The following MOCOS variants were observed in gnomAD, a reference collection of about 807,000 sequenced individuals.
MOCOS encodes molybdenum cofactor sulfurase.
In MOCOS, 86 loss-of-function variants were observed where a neutral mutation model predicts 83.6. The ratio of observed to expected loss-of-function variants is 1.03; its 90% CI spans 0.86 to 1.23. MOCOS has a LOEUF of 1.23. Among genes scored for constraint, MOCOS ranks in the 50% most tolerant of loss-of-function variants. The probability of loss-of-function intolerance (pLI) is 0.00; values close to 1 mark genes in which losing one functional copy is unlikely to be tolerated. For missense variants in MOCOS, 1,120 were observed against 1,126.9 expected, an observed-to-expected ratio of 0.99 and a Z score of 0.09; for synonymous variants, 445 against 434.7, an observed-to-expected ratio of 1.02 and a Z score of -0.29.
chr18:36,209,680 T>C (rs1425039277), intron 6 of MOCOS, among the ~76,000 whole-genome samples: 1 of 152,264 alleles, frequency 6.6e-6, no homozygotes, highest in South Asian at 2.1e-4. Flanking sequence ...TGTTTCGTTT[T>C]ATGGCTGAGT....
At chr18:36,260,004 C>A in intron 12 of MOCOS, 33 bp from the exon 13 acceptor site, 1 of 1,613,604 alleles carries the variant, frequency 6.2e-7, no homozygotes, top group Non-Finnish European at 8.5e-7. Flanking sequence ...TGCCATCCTC[C>A]CCCTACTTAC....
intron 4 of MOCOS, 150 bp downstream of exon 4, chr18:36,200,474 A>G: frequency 9.9e-7 from 1 of 1,014,318 alleles, no homozygotes; most frequent in Non-Finnish European, 1.4e-6. Context: ...CAGGGCTCAG[A>G]TCTGGGAGGC....
At chr18:36,191,478 C>G (rs2091365930) in intron 1 of MOCOS, among the ~76,000 whole-genome samples, 1 of 152,224 alleles carries the variant, frequency 6.6e-6, no homozygotes, top group Non-Finnish European at 1.5e-5. Context: ...GGGACTTGCT[C>G]TGTCACCCAG....
intron 13 of MOCOS, among the ~76,000 whole-genome samples, chr18:36,265,127 CTGTTACTGGGCAAA>C (rs148995793): frequency 0.14 from 21,739 of 152,158 alleles, 1,644 homozygotes; most frequent in East Asian, 0.24. Flanking sequence ...GGTGGAGACG[CTGTTACTGGGCAAA>C]TGTTCCTTTA....
chr18:36,257,091 G>C lies in MOCOS; in HGVS notation c.2270+18G>C, dbSNP rs368621821. On this transcript the variant is annotated intron_variant, in intron 12 of 14. Transcript: ENST00000261326. ...AACACCAGGTAAGACCTCATACCTC[G>C]GGACTAGCAGACAAGCATAACCATT... 2 of 1,595,754 alleles carry C rather than the reference G, an allele frequency of 1.3e-6. No homozygotes were observed. Among genetic ancestry groups the C allele is most frequent in the East Asian group, 4.5e-5 (2 of 44,750 alleles).
At position 36,187,914 on chromosome 18, in the gene MOCOS, C is replaced by T. The variant is rs567963587; in HGVS notation, c.142+233C>T. Among the ~76,000 whole-genome samples, 233 of 152,352 alleles carry T rather than the reference C, an allele frequency of 1.5e-3. 1 individual carries two copies. The highest frequency in any genetic ancestry group is 5.4e-3 in the African/African-American group (226 of 41,580). On this transcript the variant is annotated intron_variant, in intron 1 of 14. Transcript: ENST00000261326. ...CGACTTTCCGGTGGGCAGGACCAAC[C>T]TAGCCGTCTTCCCCTTTTCCCGCCC...
chr18:36,256,725 T>C, intron 11 of MOCOS: 1 of 430,968 alleles, frequency 2.3e-6, no homozygotes, highest in South Asian at 2.1e-5. Context: ...GCTGAGCCAC[T>C]GTGCCCAGCC....
In MOCOS at chr18:36,200,203, G is replaced by A. The variant is rs755692909; in HGVS notation, c.820G>A (p.Ala274Thr). ...CTTCGGGTTTCCTACAGGCCTGGGCGCTCTGCTGGTCCATAATCGTGCGGC... is the reference window on the plus strand; with the variant it reads ...CTTCGGGTTTCCTACAGGCCTGGGCACTCTGCTGGTCCATAATCGTGCGGC... The part of the protein sequence containing the change: ...KIFGFPTGLG[A>T]LLVHNRAAPL... Residue 274 changes from alanine to threonine, a missense_variant, in exon 4 of 15, where the codon GCT becomes ACT. Transcript: ENST00000261326. The A allele has an allele frequency of 4.3e-5, 70 of 1,614,070 alleles. No homozygotes were observed. Among genetic ancestry groups the A allele is most frequent in the Admixed American group, 2.5e-4 (15 of 60,008 alleles).
intron 6 of MOCOS, 30 bp from the exon 7 acceptor site, chr18:36,213,336 G>A (rs373895302): frequency 4.5e-6 from 7 of 1,560,806 alleles, no homozygotes; most frequent in Non-Finnish European, 6.2e-6. Context: ...CGTTGGTAAT[G>A]GCTCATTCCA....
intron 9 of MOCOS, among the ~76,000 whole-genome samples, chr18:36,235,197 A>G (rs2091553358): frequency 6.7e-6 from 1 of 149,942 alleles, no homozygotes; most frequent in Non-Finnish European, 1.5e-5. Flanking sequence ...TTAGTTACAT[A>G]CGTATACATG....
rs1374608559 is a variant in MOCOS, at chr18:36,269,518, A to G, written c.*833A>G. 6.6e-6 allele frequency: 1 copy of G among 152,238 alleles called. No individual in the cohort carries two copies. Among genetic ancestry groups the G allele is most frequent in the Non-Finnish European group, 1.5e-5 (1 of 68,086 alleles). The allele number at this position is 152,238 out of a possible 1,614,324, so 9.4% of individuals were successfully genotyped here. A position where few individuals can be genotyped will look rare whatever the true frequency, so the allele number is the denominator to read the frequency against. The stretch of plus-strand genomic sequence containing the variant: ...TGACCACTGCTCCTGCAGCCTCCAG[A>G]TGAAAATGTCCAGTGAGGAAATCTC... On this transcript the variant is annotated 3_prime_UTR_variant, in exon 15 of 15. Coordinates refer to ENST00000261326, the MANE Select transcript of MOCOS (RefSeq NM_017947.4).
At chr18:36,248,006 T>C (rs1310526934) in intron 9 of MOCOS, among the ~76,000 whole-genome samples, 1 of 152,214 alleles carries the variant, frequency 6.6e-6, no homozygotes, top group Non-Finnish European at 1.5e-5. Context: ...TTTTTATTTT[T>C]AGTTTTCTGA....
chr18:36,215,541 T>A lies in MOCOS; in HGVS notation c.1361T>A (p.Met454Lys). 6.2e-7 allele frequency: 1 copy of A among 1,614,138 alleles called. No individual in the cohort carries two copies. ...FQAGHVCGDN[M>K]DLIDGQPTGS... is the part of the protein sequence containing the mutation. The stretch of plus-strand genomic sequence containing the variant: ...GCTGGTCATGTCTGTGGGGACAATA[T>A]GGACCTCATAGATGGGCAGCCCACA... The change falls in exon 8 of 15, where the codon ATG (methionine) becomes AAG (lysine). Residue 454 changes from methionine to lysine, a missense_variant. Physicochemically the swap from Met to Lys is moderately conservative, Grantham distance 95. Coordinates refer to ENST00000261326, the MANE Select transcript of MOCOS (RefSeq NM_017947.4).
chr18:36,259,448 C>CAA (rs397858504), intron 12 of MOCOS, among the ~76,000 whole-genome samples: 4,456 of 92,326 alleles, frequency 0.048, 187 homozygotes, highest in African/African-American at 0.13. Flanking sequence ...GACCTTGTCT[C>CAA]AAAAAAAAAA....
intron 6 of MOCOS, among the ~76,000 whole-genome samples, chr18:36,205,613 C>T (rs932386659): frequency 6.6e-5 from 10 of 152,306 alleles, no homozygotes; most frequent in African/African-American, 2.2e-4. Flanking sequence ...GGTTATCAGA[C>T]GGGGTGTCAC....
At chr18:36,215,357 A>G (rs984950212) in intron 7 of MOCOS, among the ~76,000 whole-genome samples, 159 bp from the exon 8 acceptor site, 8 of 152,324 alleles carry the variant, frequency 5.3e-5, no homozygotes, top group African/African-American at 1.9e-4. Context: ...CTGCAGGTAG[A>G]GAGCTGAACT....
At chr18:36,239,127 C>T (rs1380878669) in intron 9 of MOCOS, among the ~76,000 whole-genome samples, 4 of 150,306 alleles carry the variant, frequency 2.7e-5, no homozygotes, top group African/African-American at 7.3e-5. Context: ...GCATTTAGTC[C>T]ATTTACATTT....
chr18:36,228,866 G>A (rs1015085463), intron 9 of MOCOS, among the ~76,000 whole-genome samples: 33 of 146,634 alleles, frequency 2.3e-4, no homozygotes, highest in African/African-American at 7.5e-4. Context: ...ATGAGATCTC[G>A]CCATGTTTCC....
chr18:36,213,601 T>C, intron 7 of MOCOS, 119 bp downstream of exon 7: 1 of 841,462 alleles, frequency 1.2e-6, no homozygotes. Context: ...GCCTACTCTG[T>C]GCATGTACAA....
Sources: gnomAD v4.1 joint callset for allele counts (sites outside exome capture counted in the v4.1 genomes callset) on GRCh38, gnomAD v4.1.1 for gene constraint, MANE v1.5 for transcripts, NCBI Gene and HGNC (gene_info 2026-07-23, HGNC 2026-07-21) for gene names.